OSMR: variants seen among roughly 807,000 people sequenced by gnomAD.
OSMR encodes the protein oncostatin-M-specific receptor subunit beta.
In OSMR, 81 loss-of-function variants were observed where a neutral mutation model predicts 99.9. That is an observed-to-expected ratio of 0.81 (90% confidence interval 0.68 to 0.97). The LOEUF is 0.97. Ranked by LOEUF, OSMR falls within the 50% of genes least tolerant of loss-of-function variation. OSMR has a pLI of 0.00. For missense variants in OSMR, 1,099 were observed against 1,153.4 expected (o/e 0.95, Z 0.68); for synonymous variants, 406 against 410.4 (o/e 0.99, Z 0.13).
intron 1 of OSMR, among the ~76,000 whole-genome samples, chr5:38,854,644 A>G (rs1428521744): frequency 1.3e-5 from 2 of 152,228 alleles, no homozygotes; most frequent in East Asian, 1.9e-4. Context: ...ATTGAAAGCA[A>G]AGAAGAGAGA....
At chr5:38,890,136 C>A (rs866354215) in intron 7 of OSMR, among the ~76,000 whole-genome samples, 1 of 152,074 alleles carries the variant, frequency 6.6e-6, no homozygotes. Flanking sequence ...CTATGTGATA[C>A]GTGTTCATTG....
In OSMR at chr5:38,861,375, C is replaced by T. The variant is rs533014487; in HGVS notation, c.-13-7657C>T. Among the ~76,000 whole-genome samples, 710 of 152,078 alleles carry T rather than the reference C, an allele frequency of 4.7e-3. 3 individuals are homozygous for T. The highest frequency in any genetic ancestry group is 0.016 in the African/African-American group (662 of 41,424). On this transcript the variant is annotated intron_variant, in intron 1 of 17. Transcript: ENST00000274276. ...CTGTTTAACAAAGCACATCTTGCACCGCCCTTAATCCATTTAAACCTGAGT... is the reference window on the plus strand; with the variant it reads ...CTGTTTAACAAAGCACATCTTGCACTGCCCTTAATCCATTTAAACCTGAGT...
intron 1 of OSMR, chr5:38,942,866 T>A: frequency 1.2e-6 from 2 of 1,611,650 alleles, no homozygotes; most frequent in Non-Finnish European, 1.7e-6. Context: ...ATAATTCTTG[T>A]ATGAACCTCC....
intron 1 of OSMR, chr5:38,943,168 A>T (rs73751813): frequency 1.2e-3 from 330 of 269,684 alleles, no homozygotes; most frequent in Middle Eastern, 6.3e-3. Context: ...GTTTTTTTTT[A>T]AAAAAAATGA....
At chr5:38,926,090 T>C (rs147693781) in intron 15 of OSMR, among the ~76,000 whole-genome samples, 128 of 152,156 alleles carry the variant, frequency 8.4e-4, no homozygotes, top group African/African-American at 3.0e-3. Flanking sequence ...AGGAATGTGG[T>C]GAGAGAAAAT....
At chr5:38,910,372 G>A (rs1045878972) in intron 9 of OSMR, among the ~76,000 whole-genome samples, 1 of 152,008 alleles carries the variant, frequency 6.6e-6, no homozygotes, top group Non-Finnish European at 1.5e-5. Context: ...TTGACAAAAT[G>A]GGCTTACAGA....
intron 1 of OSMR, among the ~76,000 whole-genome samples, chr5:38,853,864 G>A (rs1162080202): frequency 1.3e-5 from 2 of 152,232 alleles, no homozygotes; most frequent in East Asian, 3.9e-4. Flanking sequence ...TCAAGAGGTG[G>A]GGTGTGGGGG....
intron 1 of OSMR, among the ~76,000 whole-genome samples, chr5:38,847,567 G>A (rs926421599): frequency 1.3e-5 from 2 of 152,136 alleles, no homozygotes; most frequent in African/African-American, 2.4e-5. Flanking sequence ...TGCACTCAGA[G>A]CCCTTGATGT....
At chr5:38,878,884 A>T (rs150777204) in intron 3 of OSMR, among the ~76,000 whole-genome samples, 1 of 152,358 alleles carries the variant, frequency 6.6e-6, no homozygotes, top group African/African-American at 2.4e-5. Context: ...GTCTGGGGGA[A>T]ATACAACTCA....
intron 1 of OSMR, among the ~76,000 whole-genome samples, chr5:38,863,128 C>T (rs966410139): frequency 6.3e-5 from 9 of 142,756 alleles, no homozygotes; most frequent in South Asian, 2.3e-4. Context: ...AGTCCAGCTT[C>T]GGCTCGGCAT....
chr5:38,898,073 G>T (rs951517717), intron 7 of OSMR, among the ~76,000 whole-genome samples: 3 of 152,102 alleles, frequency 2.0e-5, no homozygotes, highest in Non-Finnish European at 4.4e-5. Context: ...AATGTATTCT[G>T]CAGCCATTGT....
intron 7 of OSMR, among the ~76,000 whole-genome samples, chr5:38,887,750 A>G (rs1211044672): frequency 6.6e-6 from 1 of 152,134 alleles, no homozygotes; most frequent in Non-Finnish European, 1.5e-5. Context: ...TGGGATTTGC[A>G]CTTAATCTAT....
rs1474788743 is a variant in OSMR at position 38,933,128 on chromosome 5, C to T, written c.2624C>T (p.Pro875Leu). 6 of 1,614,068 alleles carry T rather than the reference C, an allele frequency of 3.7e-6. No individual in the cohort carries two copies. Among genetic ancestry groups the T allele is most frequent in the South Asian group, 3.3e-5 (3 of 91,088 alleles). Residue 875 changes from proline (P) to leucine (L), a missense_variant, in exon 18 of 18, where the codon CCA becomes CTA. Physicochemically the swap from Pro to Leu is moderately conservative, Grantham distance 98. Transcript: ENST00000274276. ...GACTCTGGCTCTTGTGGCCATGTTC[C>T]AGTATCCCCAAAAGCCCCAAGTATG... ...ASDSGSCGHV[P>L]VSPKAPSMLG...
rs1022909437 is a variant in OSMR at position 38,934,658 on chromosome 5, C to T, written c.*1214C>T. 6.6e-6 allele frequency: 1 copy of T among 151,938 alleles called. No homozygotes were observed. Among genetic ancestry groups the T allele is most frequent in the Non-Finnish European group, 1.5e-5 (1 of 67,990 alleles). The allele number at this position is 151,938 out of a possible 1,614,324, so 9.4% of individuals were successfully genotyped here. A position where few individuals can be genotyped will look rare whatever the true frequency, so the allele number is the denominator to read the frequency against. ...CACCTAGGACTCCAGGTGCATGCTA[C>T]CACACCTGACTAGTTTTTATATTTT... On this transcript the variant is annotated 3_prime_UTR_variant, in exon 18 of 18. Transcript: ENST00000274276.
At chr5:38,917,747 A>T in intron 10 of OSMR, 125 bp downstream of exon 10, 1 of 725,360 alleles carries the variant, frequency 1.4e-6, no homozygotes, top group Admixed American at 2.0e-5. Context: ...CTTCACATTC[A>T]TCCAATAGAA....
intron 13 of OSMR, 122 bp from the exon 14 acceptor site, chr5:38,924,300 T>G: frequency 6.5e-7 from 1 of 1,548,302 alleles, no homozygotes; most frequent in Non-Finnish European, 8.7e-7. Flanking sequence ...ATAAAACTCC[T>G]TAACTTGGCA....
chr5:38,930,920 TTG>T (rs55964556), intron 15 of OSMR, among the ~76,000 whole-genome samples: 17,644 of 141,466 alleles, frequency 0.12, 959 homozygotes, highest in Middle Eastern at 0.15. Context: ...CAGAAGCATT[TTG>T]TGTGTGTGTG....
intron 5 of OSMR, 97 bp from the exon 6 acceptor site, chr5:38,885,252 A>C (rs532006040): frequency 6.3e-7 from 1 of 1,583,678 alleles, no homozygotes; most frequent in Non-Finnish European, 8.6e-7. Flanking sequence ...CCTTGTTCAC[A>C]GTAACTCTGT....
intron 2 of OSMR, among the ~76,000 whole-genome samples, chr5:38,874,794 G>A (rs1165851564): frequency 6.6e-6 from 1 of 152,182 alleles, no homozygotes; most frequent in Non-Finnish European, 1.5e-5. Context: ...CTTTGTATAT[G>A]TTATTTACCC....
Sources: gnomAD v4.1 joint callset for allele counts (sites outside exome capture counted in the v4.1 genomes callset) on GRCh38, gnomAD v4.1.1 for gene constraint, MANE v1.5 for transcripts, NCBI Gene and HGNC (gene_info 2026-07-23, HGNC 2026-07-21) for gene names.